Variants in PSMB5 observed in about 807,000 individuals in gnomAD.
The protein encoded by PSMB5 is proteasome subunit beta type-5.
In PSMB5, 2 loss-of-function variants were observed where a neutral mutation model predicts 22.8. That is an observed-to-expected ratio of 0.09 (90% CI 0.04 to 0.28). The LOEUF is 0.28. Among genes scored for constraint, PSMB5 ranks in the 10% least tolerant of loss-of-function variants. The pLI is 1.00. For missense variants in PSMB5, 269 were observed against 343.8 expected, an observed-to-expected ratio of 0.78 and a Z score of 1.72; for synonymous variants, 133 against 135.3, an observed-to-expected ratio of 0.98 and a Z score of 0.12.
At chr14:23,035,011 C>G, upstream of PSMB5, 3 of 1,433,850 alleles carry the variant, frequency 2.1e-6, no homozygotes, top group South Asian at 1.5e-5. Context: ...TGCTGGCAAG[C>G]ACGCCTCCAA....
chr14:23,028,464 CATA>C (rs1381687531), intron 2 of PSMB5, among the ~76,000 whole-genome samples: 9 of 152,158 alleles, frequency 5.9e-5, no homozygotes, highest in African/African-American at 2.2e-4. Context: ...TACCTGCTAA[CATA>C]ATATTTTGGA....
chr14:23,033,997 C>G (rs1566716250), intron 1 of PSMB5, among the ~76,000 whole-genome samples: 1 of 151,976 alleles, frequency 6.6e-6, no homozygotes, highest in South Asian at 2.1e-4. Flanking sequence ...ACAGGGAGAT[C>G]CATCTCTACA....
intron 2 of PSMB5, among the ~76,000 whole-genome samples, chr14:23,030,433 G>C (rs2139917388): frequency 6.6e-6 from 1 of 151,712 alleles, no homozygotes; most frequent in South Asian, 2.1e-4. Flanking sequence ...AGCTTGCAGT[G>C]AGCAGAGATG....
chr14:23,030,927 AAAATAAATAAATAAAT>A (rs371368022), intron 2 of PSMB5, among the ~76,000 whole-genome samples: 1 of 151,620 alleles, frequency 6.6e-6, no homozygotes. Context: ...CTCCATCTCA[AAAATAAATAAATAAAT>A]AAATAAATAA....
At position 23,026,121 on chromosome 14, in the gene PSMB5, G is replaced by A. The variant is rs558713731; in HGVS notation, c.760C>T (p.Leu254=). The A allele has an allele frequency of 1.9e-6, 3 of 1,614,158 alleles. No homozygotes were observed. Among genetic ancestry groups the A allele is most frequent in the Non-Finnish European group, 2.5e-6 (3 of 1,180,036 alleles). Residue 254 remains leucine (L), a synonymous_variant, in exon 3 of 3, where the codon CTA becomes TTA. Coordinates refer to ENST00000361611, the MANE Select transcript of PSMB5 (RefSeq NM_002797.5). ...GTAGAGCCACTATACTTCTCATGTA[G>A]ATCAGCCACATTGTCACTGGAGACT... ...IRVSSDNVAD[L]HEKYSGSTP
chr14:23,026,214 T>C lies in PSMB5; in HGVS notation c.667A>G (p.Thr223Ala). The C allele has an allele frequency of 1.9e-6, 3 of 1,614,070 alleles. No individual in the cohort carries two copies. Among genetic ancestry groups the C allele is most frequent in the Non-Finnish European group, 2.5e-6 (3 of 1,180,004 alleles). ...DLARRAIYQA[T>A]YRDAYSGGAV... ...CCTCCTGAGTAGGCATCTCTGTAGG[T>C]GGCTTGGTAGATGGCTCGACGGGCC... The change falls in exon 3 of 3, where the codon ACC (threonine) becomes GCC (alanine). Residue 223 changes from threonine to alanine, a missense_variant. Physicochemically the swap from Thr to Ala is moderately conservative, Grantham distance 58. This residue lies in a region of PSMB5 where 113 missense variants were observed against 130.2 expected (regional missense o/e 0.87). Coordinates refer to ENST00000361611, the MANE Select transcript of PSMB5 (RefSeq NM_002797.5).
intron 2 of PSMB5, among the ~76,000 whole-genome samples, chr14:23,026,622 G>T (rs1003044590): frequency 2.0e-4 from 30 of 151,322 alleles, no homozygotes; most frequent in African/African-American, 6.8e-4. Flanking sequence ...GCTAATTTTT[G>T]TATTTTTAGT....
intron 2 of PSMB5, among the ~76,000 whole-genome samples, chr14:23,031,964 C>T (rs2046955509): frequency 6.6e-6 from 1 of 151,438 alleles, no homozygotes; most frequent in Non-Finnish European, 1.5e-5. Flanking sequence ...TGGCATATGC[C>T]TGTAGTCTCA....
intron 2 of PSMB5, among the ~76,000 whole-genome samples, chr14:23,030,157 C>A (rs1348830918): frequency 2.6e-5 from 4 of 151,760 alleles, no homozygotes; most frequent in African/African-American, 9.7e-5. Flanking sequence ...AGATTACAGG[C>A]ATGAGCCACC....
intron 2 of PSMB5, chr14:23,027,643 G>A: frequency 1.3e-6 from 1 of 777,542 alleles, no homozygotes; most frequent in Non-Finnish European, 2.0e-6. Context: ...CTGAGATGCT[G>A]TCTTCAGGAA....
At chr14:23,031,358 T>A (rs998677926) in intron 2 of PSMB5, among the ~76,000 whole-genome samples, 2 of 152,218 alleles carry the variant, frequency 1.3e-5, no homozygotes, top group African/African-American at 4.8e-5. Flanking sequence ...AGTAACAAAG[T>A]GAGCTCCTCT....
chr14:23,026,234 C>T lies in PSMB5; in HGVS notation c.647G>A (p.Arg216His), dbSNP rs145689628. The T allele has an allele frequency of 8.4e-5, 135 of 1,614,066 alleles. 1 individual carries two copies. The South Asian group carries it at 8.5e-4, about 10-fold the overall frequency. ...GTAGGTGGCTTGGTAGATGGCTCGA[C>T]GGGCCAGATCATAGGCCTGCTCCAC... ...LEVEQAYDLA[R>H]RAIYQATYRD... Residue 216 changes from arginine to histidine, a missense_variant, in exon 3 of 3, where the codon CGT becomes CAT. Physicochemically the swap from Arg to His is conservative, Grantham distance 29 (BLOSUM62 0). This residue lies in a region of PSMB5 where 113 missense variants were observed against 130.2 expected (regional missense o/e 0.87). Coordinates refer to ENST00000361611, the MANE Select transcript of PSMB5 (RefSeq NM_002797.5).
intron 2 of PSMB5, among the ~76,000 whole-genome samples, chr14:23,027,504 T>A (rs1055807922): frequency 6.7e-6 from 1 of 150,346 alleles, no homozygotes. Context: ...ATTATTATTT[T>A]TTTAAAAGCT....
At chr14:23,027,415 A>G (rs548723486) in intron 2 of PSMB5, among the ~76,000 whole-genome samples, 4 of 141,114 alleles carry the variant, frequency 2.8e-5, no homozygotes, top group African/African-American at 1.0e-4. Flanking sequence ...AATAATAAAT[A>G]AATAAAATAA....
chr14:23,033,704 G>A (rs2139922566), intron 1 of PSMB5, 30 bp from the exon 2 acceptor site: 4 of 1,580,390 alleles, frequency 2.5e-6, no homozygotes, highest in Non-Finnish European at 3.5e-6. Flanking sequence ...ACACAAAACA[G>A]GCCACATAAG....
chr14:23,031,994 C>A (rs971655999), intron 2 of PSMB5, among the ~76,000 whole-genome samples: 2 of 152,156 alleles, frequency 1.3e-5, no homozygotes, highest in Admixed American at 1.3e-4. Context: ...AAGGTTGAGG[C>A]AGGAGAATCA....
intron 1 of PSMB5, among the ~76,000 whole-genome samples, chr14:23,033,906 C>T (rs900848515): frequency 6.6e-6 from 1 of 152,184 alleles, no homozygotes; most frequent in African/African-American, 2.4e-5. Flanking sequence ...CGTGGTGGCT[C>T]ACTCCTGTAA....
chr14:23,027,241 T>G (rs1594711531), intron 2 of PSMB5, among the ~76,000 whole-genome samples: 1 of 147,596 alleles, frequency 6.8e-6, no homozygotes, highest in Non-Finnish European at 1.5e-5. Context: ...ATTAGCCAGG[T>G]GTGGTTGCGG....
chr14:23,033,707 C>T (rs763654238), intron 1 of PSMB5, 33 bp from the exon 2 acceptor site: 2 of 1,569,688 alleles, frequency 1.3e-6, no homozygotes, highest in Non-Finnish European at 1.7e-6. Flanking sequence ...CAAAACAGGC[C>T]ACATAAGACC....
Sources: gnomAD v4.1 joint callset for allele counts (sites outside exome capture counted in the v4.1 genomes callset) on GRCh38, gnomAD v4.1.1 for gene constraint, gnomAD v4.1.1 regional missense constraint, MANE v1.5 for transcripts, NCBI Gene and HGNC (gene_info 2026-07-23, HGNC 2026-07-21) for gene names.